Variants in TRPM1 observed in about 807,000 individuals in gnomAD.
The protein encoded by TRPM1 is TRPM1-203 APA Isoform, Intron 10.
A neutral mutation model predicts 149.4 loss-of-function variants in TRPM1; 113 were observed. The observed-to-expected ratio is 0.76, with a 90% CI of 0.65 to 0.88. The LOEUF (loss-of-function observed/expected upper bound fraction) is 0.88, where lower values mean the gene tolerates loss of function less well. TRPM1 is among the 40% of genes least tolerant of loss of function. The pLI, the probability that TRPM1 is intolerant of heterozygous loss-of-function variation, is 0.00. For synonymous variants in TRPM1, 741 were observed against 759.5 expected (o/e 0.98, Z 0.40); for missense variants, 1,976 against 2,038.7 (o/e 0.97, Z 0.59).
chr15:31,139,188 A>G (rs2036127546), intron 1 of TRPM1, among the ~76,000 whole-genome samples: 1 of 152,230 alleles, frequency 6.6e-6, no homozygotes, highest in South Asian at 2.1e-4. Context: ...GTCCCATGAA[A>G]AAGGCAGGCA....
chr15:31,060,990 T>C (rs2034216516), intron 10 of TRPM1, among the ~76,000 whole-genome samples: 1 of 152,138 alleles, frequency 6.6e-6, no homozygotes, highest in South Asian at 2.1e-4. Flanking sequence ...CTCTCTGTCC[T>C]CCCTGCCCCC....
At chr15:31,089,581 C>G (rs2035164934) in intron 1 of TRPM1, among the ~76,000 whole-genome samples, 2 of 152,300 alleles carry the variant, frequency 1.3e-5, no homozygotes, top group Middle Eastern at 6.8e-3. Context: ...ACCGTTTGCT[C>G]TGTAACTCGA....
intron 24 of TRPM1, 110 bp downstream of exon 24, chr15:31,029,261 A>G: frequency 8.3e-7 from 1 of 1,201,496 alleles, no homozygotes; most frequent in Non-Finnish European, 1.2e-6. Context: ...GGCACCAAAA[A>G]ACAAGAGAAG....
intron 27 of TRPM1, among the ~76,000 whole-genome samples, chr15:31,006,965 C>A (rs2032012964): frequency 1.3e-5 from 2 of 151,710 alleles, no homozygotes; most frequent in African/African-American, 2.4e-5. Flanking sequence ...TTTTATTGGG[C>A]CATTTTTTCC....
At chr15:31,150,433 C>CTTTTT (rs35862690) in intron 1 of TRPM1, among the ~76,000 whole-genome samples, 1 of 110,874 alleles carries the variant, frequency 9.0e-6, no homozygotes, top group Non-Finnish European at 1.8e-5. Flanking sequence ...TTTTCTTTTC[C>CTTTTT]TTTTTTTTTT....
chr15:31,002,069 G>T lies in TRPM1; in HGVS notation c.4631C>A (p.Ser1544Tyr). 6.2e-7 allele frequency: 1 copy of T among 1,614,226 alleles called. No individual in the cohort carries two copies. Among genetic ancestry groups the T allele is most frequent in the South Asian group, 1.1e-5 (1 of 91,086 alleles). Residue 1544 changes from serine to tyrosine, a missense_variant, in exon 28 of 28, where the codon TCC becomes TAC. Ser to Tyr is a moderately radical substitution (Grantham distance 144). Around this residue, in one of 3 missense-constraint regions of TRPM1, gnomAD observed 572 missense variants for 578.9 expected, o/e 0.99. Transcript: ENST00000256552. Reference sequence around the variant, plus strand: ...CCCATTTCTGTCAGTAATGGTTAGGGACAAGCGAGGGATTCGAGGAATTGC... The same window carrying T: ...CCCATTTCTGTCAGTAATGGTTAGGTACAAGCGAGGGATTCGAGGAATTGC... ...AEAIPRIPRL[S>Y]LTITDRNGME...
rs780556279 is a variant in TRPM1, at chr15:31,060,518, T to A, written c.1263+26A>T. The A allele has an allele frequency of 9.5e-6, 15 of 1,586,312 alleles. No homozygotes were observed. The Admixed American group carries it at 2.5e-4, about 27-fold the overall frequency. On this transcript the variant is annotated intron_variant, in intron 11 of 27. Transcript: ENST00000256552. ...ACTTGTACAAAGTCAAGATCAATGA[T>A]ATGAATCGAAAAAAAACAGTTTCAC... is the stretch of plus-strand genomic sequence containing the variant.
chr15:31,125,587 G>A (rs921525254), intron 1 of TRPM1, among the ~76,000 whole-genome samples: 10 of 148,956 alleles, frequency 6.7e-5, no homozygotes, highest in African/African-American at 2.2e-4. Flanking sequence ...AAAATTAGCC[G>A]GGCGTAGTGG....
chr15:31,078,560 G>T (rs148901307), intron 2 of TRPM1, among the ~76,000 whole-genome samples: 1 of 152,320 alleles, frequency 6.6e-6, no homozygotes, highest in Non-Finnish European at 1.5e-5. Flanking sequence ...AAACAACATC[G>T]CTGGCCTCAG....
At chr15:31,073,989 G>T (rs2034626019) in intron 3 of TRPM1, among the ~76,000 whole-genome samples, 1 of 151,996 alleles carries the variant, frequency 6.6e-6, no homozygotes, top group Non-Finnish European at 1.5e-5. Context: ...ATATTGATAT[G>T]CTATATTACA....
In TRPM1 at chr15:31,001,941, C is replaced by T. The variant is rs1383154273; in HGVS notation, c.4759G>A (p.Gly1587Arg). 4 of 1,613,966 alleles carry T rather than the reference C, an allele frequency of 2.5e-6. No individual in the cohort carries two copies. ...GCATGTCCAGATCTGTCTAACTTTC[C>T]CTGAATGGATTTCACATTCCTAGGA... ...GHPRNVKSIQGKLDRSGHASS... is the reference protein window; with the variant it reads ...GHPRNVKSIQRKLDRSGHASS... Residue 1587 changes from glycine to arginine, a missense_variant, in exon 28 of 28, where the codon GGA (glycine) becomes AGA (arginine). This residue lies in a region of TRPM1 where 572 missense variants were observed against 578.9 expected (regional missense o/e 0.99). Transcript: ENST00000256552.
intron 25 of TRPM1, among the ~76,000 whole-genome samples, chr15:31,027,595 G>A (rs1054893686): frequency 1.3e-5 from 2 of 152,190 alleles, no homozygotes; most frequent in Admixed American, 6.5e-5. Context: ...CCAACAGGAA[G>A]CAGTAAGTGC....
chr15:31,032,390 T>G (rs907721065), intron 22 of TRPM1, among the ~76,000 whole-genome samples: 1 of 152,044 alleles, frequency 6.6e-6, no homozygotes, highest in Non-Finnish European at 1.5e-5. Flanking sequence ...GAGAGAGATA[T>G]ACATGTGTAC....
At chr15:31,069,673 T>G in intron 4 of TRPM1, 3 of 1,395,504 alleles carry the variant, frequency 2.1e-6, no homozygotes, top group Non-Finnish European at 2.8e-6. Context: ...CCAAAGACTC[T>G]CAACACATCT....
chr15:31,113,494 G>A (rs769077506), intron 1 of TRPM1, among the ~76,000 whole-genome samples: 42 of 151,378 alleles, frequency 2.8e-4, no homozygotes, highest in South Asian at 8.3e-4. Context: ...ATATCTTAAA[G>A]ACAGTGACTG....
At chr15:31,052,187 C>G (rs2140943189) in intron 11 of TRPM1, among the ~76,000 whole-genome samples, 1 of 152,320 alleles carries the variant, frequency 6.6e-6, no homozygotes, top group Admixed American at 6.5e-5. Context: ...GCAAGTAACT[C>G]TCCTGCTTAA....
intron 1 of TRPM1, among the ~76,000 whole-genome samples, chr15:31,147,823 G>T (rs921974477): frequency 1.3e-5 from 2 of 152,158 alleles, no homozygotes; most frequent in African/African-American, 4.8e-5. Flanking sequence ...ATAACCCTGG[G>T]GATGGAGCTG....
intron 26 of TRPM1, 95 bp from the exon 27 acceptor site, chr15:31,026,366 C>T: frequency 6.9e-7 from 1 of 1,455,676 alleles, no homozygotes; most frequent in Non-Finnish European, 9.4e-7. Flanking sequence ...TAATTAAGCT[C>T]TCTTCTCCGC....
chr15:31,134,053 C>A (rs559075042), intron 1 of TRPM1, among the ~76,000 whole-genome samples: 1 of 152,290 alleles, frequency 6.6e-6, no homozygotes, highest in African/African-American at 2.4e-5. Flanking sequence ...GCAAAGGCCC[C>A]CTCTCTGGAC....
Sources: allele counts gnomAD v4.1 joint callset (sites outside exome capture counted in the v4.1 genomes callset), GRCh38; gene constraint gnomAD v4.1.1; regional missense constraint gnomAD v4.1.1; transcripts MANE v1.5; gene names NCBI Gene and HGNC (gene_info 2026-07-23, HGNC 2026-07-21).